The following NELL1 variants were observed in gnomAD, a reference collection of about 807,000 sequenced individuals.
The protein encoded by NELL1 is protein kinase C-binding protein NELL1.
Under a neutral mutation model 107.4 loss-of-function variants are expected in NELL1, and 76 were observed. The ratio of observed to expected loss-of-function variants is 0.71; its 90% CI spans 0.59 to 0.86. The LOEUF is 0.86. Among genes scored for constraint, NELL1 ranks in the 40% least tolerant of loss-of-function variants. The pLI, the probability that NELL1 is intolerant of heterozygous loss-of-function variation, is 0.00. For synonymous variants in NELL1, 353 were observed against 341.2 expected (o/e 1.03, Z -0.38); for missense variants, 1,024 against 1,005.5 (o/e 1.02, Z -0.25).
At chr11:21,521,885 G>T (rs1178245804) in intron 15 of NELL1, among the ~76,000 whole-genome samples, 2 of 151,962 alleles carry the variant, frequency 1.3e-5, no homozygotes, top group Non-Finnish European at 2.9e-5. Context: ...TATACTTTTG[G>T]TCATTCATAT....
intron 12 of NELL1, among the ~76,000 whole-genome samples, chr11:20,996,275 ATGCTCAAGATAGTACT>A (rs1333320754): frequency 2.0e-5 from 3 of 152,152 alleles, no homozygotes; most frequent in African/African-American, 7.2e-5. Context: ...TCTTTCCCTT[ATGCTCAAGATAGTACT>A]TGCATGTTCT....
chr11:21,337,800 C>CT (rs1850456588), intron 14 of NELL1, among the ~76,000 whole-genome samples: 1 of 88,762 alleles, frequency 1.1e-5, no homozygotes, highest in Non-Finnish European at 2.3e-5. Context: ...TTCTTTCCTT[C>CT]TTTCTTTCTT....
intron 1 of NELL1, among the ~76,000 whole-genome samples, chr11:20,675,400 C>A (rs1854028701): frequency 6.6e-6 from 1 of 152,174 alleles, no homozygotes; most frequent in African/African-American, 2.4e-5. Context: ...ATACTATCCC[C>A]AGATATGCAT....
chr11:21,416,121 G>A (rs73457323), intron 15 of NELL1, among the ~76,000 whole-genome samples: 14,540 of 152,048 alleles, frequency 0.096, 1,620 homozygotes, highest in African/African-American at 0.25. Context: ...CGCTACATAA[G>A]GTGTTTTCAA....
At chr11:20,927,114 T>A (rs1189384750) in intron 7 of NELL1, 194 bp from the exon 8 acceptor site, 1 of 540,868 alleles carries the variant, frequency 1.8e-6, no homozygotes, top group African/African-American at 1.9e-5. Context: ...CAGCCAATAT[T>A]TCTTCAATTT....
At chr11:21,192,302 G>A (rs777181960) in intron 13 of NELL1, among the ~76,000 whole-genome samples, 36 of 151,830 alleles carry the variant, frequency 2.4e-4, no homozygotes, top group Non-Finnish European at 3.8e-4. Context: ...TATTTTAAAC[G>A]GTGTATTAAT....
chr11:20,967,135 A>G (rs1010589658), intron 12 of NELL1, among the ~76,000 whole-genome samples: 1 of 152,112 alleles, frequency 6.6e-6, no homozygotes, highest in Non-Finnish European at 1.5e-5. Context: ...TTTCTTTGTG[A>G]CAGAAGTGGT....
chr11:21,140,644 C>T (rs1364511238), intron 13 of NELL1, among the ~76,000 whole-genome samples: 1 of 151,928 alleles, frequency 6.6e-6, no homozygotes. Flanking sequence ...TAAAATTTAT[C>T]CAATTATATA....
At chr11:21,247,437 C>G (rs557783223) in intron 14 of NELL1, among the ~76,000 whole-genome samples, 2 of 151,524 alleles carry the variant, frequency 1.3e-5, no homozygotes, top group Admixed American at 6.6e-5. Context: ...TTTTTTTTAA[C>G]CTTTTGAGGT....
At chr11:21,442,286 A>G (rs917514272) in intron 15 of NELL1, among the ~76,000 whole-genome samples, 10 of 152,152 alleles carry the variant, frequency 6.6e-5, no homozygotes, top group African/African-American at 1.4e-4. Flanking sequence ...CTGGAATTCT[A>G]TATATCAACC....
At chr11:20,808,451 G>A (rs906601445) in intron 3 of NELL1, among the ~76,000 whole-genome samples, 3 of 152,202 alleles carry the variant, frequency 2.0e-5, no homozygotes, top group Admixed American at 6.5e-5. Flanking sequence ...AGTCTTTCTT[G>A]GAGCTGTGAG....
At chr11:21,092,557 T>C (rs1223808129) in intron 12 of NELL1, among the ~76,000 whole-genome samples, 1 of 152,094 alleles carries the variant, frequency 6.6e-6, no homozygotes, top group East Asian at 1.9e-4. Context: ...GATGATAATA[T>C]ATGCCCCCTA....
At chr11:21,220,567 CTT>C (rs1857730236) in intron 13 of NELL1, among the ~76,000 whole-genome samples, 4 of 151,918 alleles carry the variant, frequency 2.6e-5, no homozygotes, top group Non-Finnish European at 5.9e-5. Context: ...GTTTTGTAGT[CTT>C]TATTATAGAG....
At position 21,002,687 on chromosome 11, in the gene NELL1, A is replaced by C. The variant is rs1043919169; in HGVS notation, c.1300+42127A>C. Among the ~76,000 whole-genome samples the C allele has an allele frequency of 3.9e-5, 6 of 152,298 alleles. No individual in the cohort carries two copies. The East Asian group carries it at 1.2e-3, about 29-fold the overall frequency. ...TTGTCTAGGGTTCTGCTTTACTGAG[A>C]GAATTGCCTCATGTATTGTGGATCT... On this transcript the variant is annotated intron_variant, in intron 12 of 19. Transcript: ENST00000357134.
chr11:21,444,358 G>A lies in NELL1; in HGVS notation c.1645+73410G>A, dbSNP rs572224058. Among the ~76,000 whole-genome samples the A allele has an allele frequency of 5.3e-5, 8 of 152,082 alleles. No individual in the cohort carries two copies. In the South Asian group the frequency reaches 1.7e-3, roughly 32 times the overall value. On this transcript the variant is annotated intron_variant, in intron 15 of 19. Transcript: ENST00000357134. Reference sequence around the variant, plus strand: ...TGACTATTCTCAGGTACAATTTCTGGAAGTGAAATTATTTCTTGATATGCA... The same window carrying A: ...TGACTATTCTCAGGTACAATTTCTGAAAGTGAAATTATTTCTTGATATGCA...
intron 14 of NELL1, among the ~76,000 whole-genome samples, chr11:21,319,494 T>TTATATATATATATATATA (rs143740709): frequency 1.2e-3 from 161 of 135,610 alleles, no homozygotes; most frequent in Non-Finnish European, 2.3e-3. Flanking sequence ...CCAGCTAAAT[T>TTATATATATATATATATA]TATATATATA....
Position 20,767,719 on chromosome 11 carries a change from TATTCATTC to T in NELL1, c.185-15938_185-15931del, listed in dbSNP as rs112687398. ...TGAAGAGGGAACCAGCAATATATCA[TATTCATTC>T]ATTCATTCATTCATTCATTCATGCA... On this transcript the variant is annotated intron_variant, in intron 2 of 19. Coordinates refer to ENST00000357134, the MANE Select transcript of NELL1 (RefSeq NM_006157.5). Among the ~76,000 whole-genome samples, 87 of 150,822 alleles carry T rather than the reference TATTCATTC, an allele frequency of 5.8e-4. No individual in the cohort carries two copies. In the South Asian group the frequency reaches 0.012, roughly 21 times the overall value.
chr11:21,200,696 G>A (rs1857250490), intron 13 of NELL1, among the ~76,000 whole-genome samples: 3 of 152,266 alleles, frequency 2.0e-5, no homozygotes. Context: ...TTTTAGTCAC[G>A]AAGTCTTTGC....
chr11:21,021,046 C>CACACAA (rs1478638890), intron 12 of NELL1, among the ~76,000 whole-genome samples: 2 of 151,654 alleles, frequency 1.3e-5, no homozygotes, highest in African/African-American at 4.8e-5. Flanking sequence ...CACACACACA[C>CACACAA]ACAGAGTTAA....
Sources: gnomAD v4.1 joint callset for allele counts (sites outside exome capture counted in the v4.1 genomes callset) on GRCh38, gnomAD v4.1.1 for gene constraint, MANE v1.5 for transcripts, NCBI Gene and HGNC (gene_info 2026-07-23, HGNC 2026-07-21) for gene names.